ASXL3: variants seen among roughly 807,000 people sequenced by gnomAD.
The protein encoded by ASXL3 is ASXL transcriptional regulator 3.
Under a neutral mutation model 170.6 loss-of-function variants are expected in ASXL3, and 34 were observed. That is an observed-to-expected ratio of 0.20 (90% CI 0.15 to 0.27). The LOEUF is 0.27. Among genes scored for constraint, ASXL3 ranks in the 10% least tolerant of loss-of-function variants. The pLI is 1.00. For missense variants in ASXL3, 2,592 were observed against 2,695.3 expected (o/e 0.96, Z 0.85); for synonymous variants, 1,002 against 989.1 (o/e 1.01, Z -0.24).
intron 11 of ASXL3, among the ~76,000 whole-genome samples, chr18:33,741,872 T>C (rs2067669392): frequency 6.6e-6 from 1 of 150,816 alleles, no homozygotes; most frequent in Non-Finnish European, 1.5e-5. Flanking sequence ...CTAGAGTCTT[T>C]CCAGCTCTAC....
chr18:33,746,308 T>C lies in ASXL3; in HGVS notation c.6460T>C (p.Tyr2154His), dbSNP rs1231408373. ...VQQQQQLCGN[Y>H]PTIHFGSTSF... Reference sequence around the variant, plus strand: ...GCAACAACAGCAGCTCTGTGGAAATTATCCAACAATACACTTTGGTAGCAC... The same window carrying C: ...GCAACAACAGCAGCTCTGTGGAAATCATCCAACAATACACTTTGGTAGCAC... Residue 2154 changes from tyrosine to histidine, a missense_variant, in exon 12 of 12, where the codon TAT becomes CAT. Tyr to His is a moderately conservative substitution (Grantham distance 83). This residue lies in a region of ASXL3 where 2,246 missense variants were observed against 2,219.6 expected (regional missense o/e 1.01). Coordinates refer to ENST00000269197, the MANE Select transcript of ASXL3 (RefSeq NM_030632.3). 3 of 1,613,870 alleles carry C rather than the reference T, an allele frequency of 1.9e-6. No individual in the cohort carries two copies. The highest frequency in any genetic ancestry group is 3.3e-5 in the Admixed American group (2 of 59,996).
intron 1 of ASXL3, among the ~76,000 whole-genome samples, chr18:33,585,105 G>C (rs1387879698): frequency 2.6e-5 from 4 of 151,808 alleles, no homozygotes; most frequent in African/African-American, 9.7e-5. Context: ...CTCTCACTCT[G>C]TCTTCCTCCT....
chr18:33,689,110 C>T (rs2066646484), intron 8 of ASXL3, among the ~76,000 whole-genome samples: 2 of 152,096 alleles, frequency 1.3e-5, no homozygotes, highest in Non-Finnish European at 2.9e-5. Context: ...TCTCCTGCCT[C>T]AGCCTCCCGA....
At chr18:33,690,715 A>G (rs7230132) in intron 8 of ASXL3, among the ~76,000 whole-genome samples, 10,001 of 152,096 alleles carry the variant, frequency 0.066, 403 homozygotes, top group South Asian at 0.19. Flanking sequence ...TACTCTTAAT[A>G]TATCTAGATA....
In ASXL3 at chr18:33,644,632, C is replaced by T. The variant is rs745386918; in HGVS notation, c.138-262C>T. Among the ~76,000 whole-genome samples, 17 of 151,610 alleles carry T rather than the reference C, an allele frequency of 1.1e-4. 1 individual carries two copies. The highest frequency in any genetic ancestry group is 2.9e-5 in the Non-Finnish European group (2 of 67,848). On this transcript the variant is annotated intron_variant, in intron 2 of 11. Transcript: ENST00000269197. ...GTATTGGTTACTCTATGAATAAAAG[C>T]ATAATTTCAATTCAAGAGACTTTTG...
chr18:33,578,745 G>A, intron 1 of ASXL3, 60 bp downstream of exon 1: 1 of 1,062,300 alleles, frequency 9.4e-7, no homozygotes, highest in African/African-American at 1.7e-5. Flanking sequence ...CTCGCCCCGC[G>A]CCGGTCCGCG....
chr18:33,714,022 T>C (rs1270923417), intron 8 of ASXL3, among the ~76,000 whole-genome samples: 1 of 152,184 alleles, frequency 6.6e-6, no homozygotes, highest in Non-Finnish European at 1.5e-5. Context: ...TAAGAGGTGC[T>C]GGCAATTCCT....
intron 8 of ASXL3, among the ~76,000 whole-genome samples, chr18:33,701,844 A>ATAG (rs749774041): frequency 3.2e-4 from 48 of 151,930 alleles, no homozygotes; most frequent in Non-Finnish European, 5.4e-4. Flanking sequence ...TCTACTACCC[A>ATAG]TAGTAGTACT....
chr18:33,631,329 C>G (rs2065673492), intron 2 of ASXL3, among the ~76,000 whole-genome samples: 1 of 152,004 alleles, frequency 6.6e-6, no homozygotes, highest in Non-Finnish European at 1.5e-5. Flanking sequence ...TCCTAAAAAT[C>G]AGAGTTAAAG....
intron 8 of ASXL3, among the ~76,000 whole-genome samples, chr18:33,722,596 T>C (rs187107698): frequency 6.6e-6 from 1 of 152,158 alleles, no homozygotes; most frequent in Admixed American, 6.6e-5. Flanking sequence ...TAACAGAGAT[T>C]AGCTCATGAG....
chr18:33,731,937 GA>G (rs2067455730), intron 8 of ASXL3, 30 bp from the exon 9 acceptor site: 2 of 1,583,050 alleles, frequency 1.3e-6, no homozygotes, highest in African/African-American at 2.7e-5. Context: ...ATTCCTGATG[GA>G]ACCTTGTTTT....
intron 1 of ASXL3, among the ~76,000 whole-genome samples, chr18:33,593,284 C>A (rs1240118182): frequency 1.1e-5 from 1 of 90,362 alleles, no homozygotes; most frequent in Non-Finnish European, 2.1e-5. Context: ...TTTTTTTTGG[C>A]CTAGGGCAGT....
Position 33,746,910 on chromosome 18 carries a change from G to A in ASXL3, c.*315G>A. The A allele has an allele frequency of 4.1e-6, 1 of 246,830 alleles. No homozygotes were observed. 15.3% of individuals were successfully genotyped at this position (246,830 alleles called of 1,614,324 possible). On this transcript the variant is annotated 3_prime_UTR_variant, in exon 12 of 12. Coordinates refer to ENST00000269197, the MANE Select transcript of ASXL3 (RefSeq NM_030632.3). ...TTAACCGAGGTGTAGATAGGAAAAGGACATTTTTAATTACTTAATAACCGG... is the reference window on the plus strand; with the variant it reads ...TTAACCGAGGTGTAGATAGGAAAAGAACATTTTTAATTACTTAATAACCGG...
intron 8 of ASXL3, among the ~76,000 whole-genome samples, chr18:33,721,651 G>T (rs191855251): frequency 3.9e-5 from 6 of 151,980 alleles, no homozygotes; most frequent in South Asian, 2.1e-4. Context: ...TGCTTTGTTC[G>T]GTAATATTTC....
intron 4 of ASXL3, among the ~76,000 whole-genome samples, chr18:33,658,886 A>G (rs1416634831): frequency 6.6e-6 from 1 of 152,096 alleles, no homozygotes; most frequent in Non-Finnish European, 1.5e-5. Flanking sequence ...TCCTTAGTGC[A>G]GTTTCAACTG....
At chr18:33,608,902 G>A in intron 2 of ASXL3, 3 of 296,844 alleles carry the variant, frequency 1.0e-5, no homozygotes, top group Non-Finnish European at 1.5e-5. Flanking sequence ...TAGCAAGGTA[G>A]GTCCATGGAC....
chr18:33,647,377 G>A (rs1240255074), intron 4 of ASXL3, among the ~76,000 whole-genome samples: 1 of 152,004 alleles, frequency 6.6e-6, no homozygotes, highest in East Asian at 1.9e-4. Flanking sequence ...TTGCCCTAAG[G>A]AAATTACAAG....
chr18:33,617,231 C>T (rs1222488135), intron 2 of ASXL3, among the ~76,000 whole-genome samples: 1 of 152,176 alleles, frequency 6.6e-6, no homozygotes, highest in Non-Finnish European at 1.5e-5. Flanking sequence ...GTGGCTCACA[C>T]CTGTAATCCC....
chr18:33,684,799 T>C (rs1358123608), intron 8 of ASXL3, among the ~76,000 whole-genome samples: 2 of 152,102 alleles, frequency 1.3e-5, no homozygotes, highest in Non-Finnish European at 2.9e-5. Flanking sequence ...ACAAAGTATA[T>C]TGTACTTTTA....
Sources: allele counts gnomAD v4.1 joint callset (sites outside exome capture counted in the v4.1 genomes callset), GRCh38; gene constraint gnomAD v4.1.1; regional missense constraint gnomAD v4.1.1; transcripts MANE v1.5; gene names NCBI Gene and HGNC (gene_info 2026-07-23, HGNC 2026-07-21).